Variants in DCDC1 observed in about 807,000 individuals in gnomAD.
DCDC1 encodes the protein doublecortin domain-containing protein 1.
Under a neutral mutation model 178.3 loss-of-function variants are expected in DCDC1, and 200 were observed. That is an observed-to-expected ratio of 1.12 (90% CI 1.00 to 1.26). DCDC1 has a LOEUF of 1.26. DCDC1 is among the 50% of genes most tolerant of loss of function. The pLI is 0.00. For synonymous variants in DCDC1, 690 were observed against 604.8 expected (o/e 1.14, Z -2.07); for missense variants, 1,983 against 1,749.2 (o/e 1.13, Z -2.38).
chr11:31,170,932 G>C (rs900259884), intron 9 of DCDC1, among the ~76,000 whole-genome samples: 2 of 152,050 alleles, frequency 1.3e-5, no homozygotes, highest in African/African-American at 4.8e-5. Flanking sequence ...GGGTTCAAAT[G>C]ATTCTCCTGC....
intron 1 of DCDC1, among the ~76,000 whole-genome samples, chr11:31,361,882 A>C (rs1951727441): frequency 6.6e-6 from 1 of 152,204 alleles, no homozygotes; most frequent in Admixed American, 6.5e-5. Flanking sequence ...TAACAACAGC[A>C]CTTGCATCCT....
chr11:31,070,210 C>A (rs1446217937), intron 18 of DCDC1, among the ~76,000 whole-genome samples: 1 of 152,160 alleles, frequency 6.6e-6, no homozygotes, highest in African/African-American at 2.4e-5. Context: ...CAATGAGGCA[C>A]CCACAGGTTC....
intron 9 of DCDC1, among the ~76,000 whole-genome samples, chr11:31,169,095 A>C (rs909366420): frequency 6.6e-6 from 1 of 152,150 alleles, no homozygotes; most frequent in African/African-American, 2.4e-5. Context: ...GACATGGATG[A>C]AGCTGGAAGC....
At chr11:31,141,279 A>T (rs556138132) in intron 9 of DCDC1, among the ~76,000 whole-genome samples, 12 of 152,322 alleles carry the variant, frequency 7.9e-5, no homozygotes, top group South Asian at 4.1e-4. Flanking sequence ...TAATATCTTT[A>T]AAAAAGGTAC....
intron 20 of DCDC1, among the ~76,000 whole-genome samples, chr11:31,046,116 C>G (rs1012722499): frequency 6.6e-6 from 1 of 152,154 alleles, no homozygotes; most frequent in African/African-American, 2.4e-5. Flanking sequence ...TTATTCATAT[C>G]CACGTTGCTT....
chr11:31,214,246 A>C (rs969211619), intron 9 of DCDC1, among the ~76,000 whole-genome samples: 1 of 152,200 alleles, frequency 6.6e-6, no homozygotes, highest in Non-Finnish European at 1.5e-5. Flanking sequence ...CTATTACAAA[A>C]TACAGTCTTT....
At chr11:31,337,041 C>T (rs1950307927) in intron 1 of DCDC1, among the ~76,000 whole-genome samples, 1 of 152,192 alleles carries the variant, frequency 6.6e-6, no homozygotes, top group African/African-American at 2.4e-5. Context: ...GAGTAAGAAA[C>T]ACCTAGTTTG....
At chr11:31,070,669 T>TTAG (rs1279478399) in intron 18 of DCDC1, among the ~76,000 whole-genome samples, 1 of 152,164 alleles carries the variant, frequency 6.6e-6, no homozygotes, top group Non-Finnish European at 1.5e-5. Context: ...ATGATCGGAA[T>TTAG]TTCACATTTA....
chr11:30,979,969 A>G (rs1950304808), intron 20 of DCDC1, among the ~76,000 whole-genome samples: 1 of 152,178 alleles, frequency 6.6e-6, no homozygotes, highest in South Asian at 2.1e-4. Context: ...GGTCATTTAT[A>G]TTTTCCTCTA....
At chr11:31,163,880 A>G (rs1190609696) in intron 9 of DCDC1, among the ~76,000 whole-genome samples, 3 of 152,144 alleles carry the variant, frequency 2.0e-5, no homozygotes. Flanking sequence ...GGGCTTTTTT[A>G]GCTTTCCTAT....
chr11:31,010,505 T>C (rs1229878477), intron 20 of DCDC1, among the ~76,000 whole-genome samples: 1 of 152,222 alleles, frequency 6.6e-6, no homozygotes, highest in Non-Finnish European at 1.5e-5. Context: ...GCACAGAGCC[T>C]CAAATAATGT....
chr11:31,041,714 G>A (rs1954468543), intron 20 of DCDC1, among the ~76,000 whole-genome samples: 1 of 152,038 alleles, frequency 6.6e-6, no homozygotes, highest in East Asian at 1.9e-4. Context: ...GGCAGAAGGG[G>A]CAACTGAAAC....
intron 36 of DCDC1, among the ~76,000 whole-genome samples, chr11:30,884,358 A>C (rs892899601): frequency 6.6e-6 from 1 of 152,134 alleles, no homozygotes; most frequent in East Asian, 1.9e-4. Context: ...TGAAGATAAA[A>C]GATGTTTTCC....
intron 20 of DCDC1, among the ~76,000 whole-genome samples, chr11:31,051,988 G>A (rs895359857): frequency 6.6e-6 from 1 of 152,064 alleles, no homozygotes; most frequent in Non-Finnish European, 1.5e-5. Context: ...GAAAGCAATG[G>A]TACATCACAT....
chr11:30,968,345 T>C (rs767276639), intron 20 of DCDC1, among the ~76,000 whole-genome samples: 11 of 152,078 alleles, frequency 7.2e-5, no homozygotes, highest in Admixed American at 4.6e-4. Flanking sequence ...AATGAATGAA[T>C]AAGTTAACCT....
At chr11:30,956,815 A>G (rs183879596) in intron 20 of DCDC1, among the ~76,000 whole-genome samples, 2 of 152,244 alleles carry the variant, frequency 1.3e-5, no homozygotes, top group African/African-American at 4.8e-5. Flanking sequence ...TAAATTTATA[A>G]CCACAAACCT....
At chr11:31,041,495 T>A (rs774273152) in intron 20 of DCDC1, among the ~76,000 whole-genome samples, 2 of 152,220 alleles carry the variant, frequency 1.3e-5, no homozygotes, top group Non-Finnish European at 2.9e-5. Flanking sequence ...AAGGCTGGAA[T>A]TATTATTCAA....
chr11:30,932,507 A>G (rs1946996524), intron 21 of DCDC1, among the ~76,000 whole-genome samples: 1 of 152,192 alleles, frequency 6.6e-6, no homozygotes, highest in African/African-American at 2.4e-5. Context: ...GTATTCTTCA[A>G]ATATTTTTGA....
intron 9 of DCDC1, among the ~76,000 whole-genome samples, chr11:31,200,467 G>A (rs1420178513): frequency 6.6e-6 from 1 of 152,098 alleles, no homozygotes; most frequent in African/African-American, 2.4e-5. Flanking sequence ...TGCCAGAGTG[G>A]CAACGATATA....
Sources: allele counts gnomAD v4.1 joint callset (sites outside exome capture counted in the v4.1 genomes callset), GRCh38; gene constraint gnomAD v4.1.1; transcripts MANE v1.5; gene names NCBI Gene and HGNC (gene_info 2026-07-23, HGNC 2026-07-21).